The following REV3L variants were observed in gnomAD, a reference collection of about 807,000 sequenced individuals.
The protein encoded by REV3L is DNA polymerase zeta catalytic subunit.
Under a neutral mutation model 299.4 loss-of-function variants are expected in REV3L, and 69 were observed. That is an observed-to-expected ratio of 0.23 (90% CI 0.19 to 0.28). REV3L has a LOEUF of 0.28. REV3L is among the 10% of genes least tolerant of loss of function. The pLI is 1.00. For missense variants in REV3L, 3,128 were observed against 3,693.8 expected (o/e 0.85, Z 3.97); for synonymous variants, 1,238 against 1,271.4 (o/e 0.97, Z 0.56).
intron 31 of REV3L, among the ~76,000 whole-genome samples, chr6:111,300,693 G>T (rs1372905814): frequency 6.6e-6 from 1 of 152,126 alleles, no homozygotes; most frequent in Non-Finnish European, 1.5e-5. Context: ...AACATGAATT[G>T]TGAAGATTTC....
intron 1 of REV3L, among the ~76,000 whole-genome samples, chr6:111,482,300 AC>A (rs1377887252): frequency 6.6e-6 from 1 of 152,168 alleles, no homozygotes; most frequent in Admixed American, 6.5e-5. Context: ...CAAGGCTGAC[AC>A]TTCCCCGTTT....
chr6:111,475,198 T>C (rs1792786483), intron 1 of REV3L, among the ~76,000 whole-genome samples: 1 of 152,198 alleles, frequency 6.6e-6, no homozygotes, highest in Admixed American at 6.5e-5. Flanking sequence ...TATTCTCTCA[T>C]TATTTTTAAA....
intron 1 of REV3L, among the ~76,000 whole-genome samples, chr6:111,428,868 A>G (rs1786504480): frequency 6.6e-6 from 1 of 152,190 alleles, no homozygotes; most frequent in African/African-American, 2.4e-5. Flanking sequence ...AAAGATAAAT[A>G]TCCAGGTACA....
At chr6:111,436,677 T>C (rs556910655) in intron 1 of REV3L, among the ~76,000 whole-genome samples, 18 of 152,182 alleles carry the variant, frequency 1.2e-4, no homozygotes, top group Admixed American at 3.9e-4. Flanking sequence ...GGTACAAATA[T>C]AGAGTTTGAT....
chr6:111,386,787 T>C (rs1781395675), intron 9 of REV3L, among the ~76,000 whole-genome samples: 1 of 149,228 alleles, frequency 6.7e-6, no homozygotes, highest in Non-Finnish European at 1.5e-5. Context: ...AGTGGCATCA[T>C]CTTGGCTTAC....
chr6:111,433,176 G>A (rs1787149630), intron 1 of REV3L, among the ~76,000 whole-genome samples: 1 of 151,968 alleles, frequency 6.6e-6, no homozygotes, highest in African/African-American at 2.4e-5. Flanking sequence ...TTAGTGGAAG[G>A]AAATAAATAG....
intron 24 of REV3L, among the ~76,000 whole-genome samples, chr6:111,330,110 C>T (rs1456322544): frequency 1.3e-5 from 2 of 152,162 alleles, no homozygotes; most frequent in East Asian, 3.9e-4. Context: ...TTGTATCACT[C>T]ATAACCAACT....
rs866642012 is a variant in REV3L at position 111,299,882 on chromosome 6, T to C, written c.*134A>G. Reference sequence around the variant, plus strand: ...CAAGTACATTTTAATTCGGTTAGCATAGAAGTCTTCATAGTCTTCAGATAA... The same window carrying C: ...CAAGTACATTTTAATTCGGTTAGCACAGAAGTCTTCATAGTCTTCAGATAA... On this transcript the variant is annotated 3_prime_UTR_variant, in exon 32 of 32. Coordinates refer to ENST00000368802, the MANE Select transcript of REV3L (RefSeq NM_001372078.1). 130 of 810,968 alleles carry C rather than the reference T, an allele frequency of 1.6e-4. 1 individual carries two copies. The Admixed American group carries it at 2.6e-3, about 16-fold the overall frequency. 50.2% of individuals were successfully genotyped at this position (810,968 alleles called of 1,614,324 possible).
At chr6:111,330,625 G>A (rs892085477) in intron 24 of REV3L, among the ~76,000 whole-genome samples, 3 of 152,128 alleles carry the variant, frequency 2.0e-5, no homozygotes, top group African/African-American at 7.2e-5. Context: ...ATAATAAGCT[G>A]CTAGATATGC....
At chr6:111,441,313 C>T (rs865932368) in intron 1 of REV3L, among the ~76,000 whole-genome samples, 2 of 152,096 alleles carry the variant, frequency 1.3e-5, no homozygotes, top group African/African-American at 4.8e-5. Context: ...AGTGCAGTGG[C>T]GTGATCTTGG....
chr6:111,360,914 AT>A (rs1778589507), intron 16 of REV3L, among the ~76,000 whole-genome samples: 1 of 152,176 alleles, frequency 6.6e-6, no homozygotes, highest in Non-Finnish European at 1.5e-5. Context: ...TAAAAAAAAA[AT>A]CAAACCACAT....
chr6:111,305,457 T>C (rs1295382038), intron 31 of REV3L, among the ~76,000 whole-genome samples: 2 of 151,810 alleles, frequency 1.3e-5, no homozygotes, highest in Non-Finnish European at 2.9e-5. Flanking sequence ...CATGGTGGGA[T>C]ATGCCTGTAG....
chr6:111,459,559 C>T (rs149987347), intron 1 of REV3L, among the ~76,000 whole-genome samples: 87 of 151,942 alleles, frequency 5.7e-4, no homozygotes, highest in Admixed American at 1.8e-3. Context: ...TTATAAGGAA[C>T]TTAAATCAAC....
chr6:111,449,678 C>T (rs367575585), intron 1 of REV3L, among the ~76,000 whole-genome samples: 1 of 152,134 alleles, frequency 6.6e-6, no homozygotes, highest in African/African-American at 2.4e-5. Flanking sequence ...TCCCACCCAA[C>T]TAAGCATAAA....
chr6:111,477,810 C>T (rs1205218842), intron 1 of REV3L, among the ~76,000 whole-genome samples: 1 of 152,116 alleles, frequency 6.6e-6, no homozygotes, highest in African/African-American at 2.4e-5. Context: ...CCTCTGATTA[C>T]AGTGTAGGAA....
chr6:111,342,662 T>C (rs903936991), intron 21 of REV3L, among the ~76,000 whole-genome samples: 4 of 125,998 alleles, frequency 3.2e-5, no homozygotes, highest in Non-Finnish European at 5.6e-5. Context: ...AGCGAGACTC[T>C]GTCTCAAAAA....
rs768687142 is a variant in REV3L at position 111,367,394 on chromosome 6, T to C, written c.6394A>G (p.Ile2132Val). The C allele has an allele frequency of 3.8e-5, 62 of 1,610,766 alleles. No individual in the cohort carries two copies. The South Asian group carries it at 4.3e-4, about 11-fold the overall frequency. ...SPVIPPWQQP[I>V]SPDSKALNGD... ...TTTAATGCTTTGGAATCTGGGGATA[T>C]TGGTTGTTGCCAAGGGGGAATTACT... is the stretch of plus-strand genomic sequence containing the variant. Residue 2132 changes from isoleucine to valine, a missense_variant, in exon 14 of 32, where the codon ATA (isoleucine) becomes GTA (valine). Ile to Val is a conservative substitution (Grantham distance 29). Transcript: ENST00000368802.
At chr6:111,325,015 C>G (rs887930035) in intron 25 of REV3L, among the ~76,000 whole-genome samples, 1 of 152,106 alleles carries the variant, frequency 6.6e-6, no homozygotes, top group Non-Finnish European at 1.5e-5. Flanking sequence ...GCACCCGCCA[C>G]TACGCCCGGC....
chr6:111,441,608 C>T (rs1256423860), intron 1 of REV3L, among the ~76,000 whole-genome samples: 3 of 152,178 alleles, frequency 2.0e-5, no homozygotes, highest in Non-Finnish European at 4.4e-5. Context: ...CCATGTTACT[C>T]ATCATTATTT....
Sources: allele counts gnomAD v4.1 joint callset (sites outside exome capture counted in the v4.1 genomes callset), GRCh38; gene constraint gnomAD v4.1.1; transcripts MANE v1.5; gene names NCBI Gene and HGNC (gene_info 2026-07-23, HGNC 2026-07-21).